DCLK2: variants seen among roughly 807,000 people sequenced by gnomAD.
The protein encoded by DCLK2 is serine/threonine-protein kinase DCLK2.
In DCLK2, 31 loss-of-function variants were observed where a neutral mutation model predicts 78.4. The ratio of observed to expected loss-of-function variants is 0.40; its 90% CI spans 0.30 to 0.53. The LOEUF (loss-of-function observed/expected upper bound fraction) is 0.53. DCLK2 is among the 20% of genes least tolerant of loss of function. DCLK2 has a pLI of 0.61. For synonymous variants in DCLK2, 407 were observed against 374.9 expected (o/e 1.09, Z -0.99); for missense variants, 872 against 973.7 (o/e 0.90, Z 1.39).
intron 2 of DCLK2, among the ~76,000 whole-genome samples, chr4:150,187,039 T>C (rs758629566): frequency 6.6e-6 from 1 of 152,228 alleles, no homozygotes; most frequent in African/African-American, 2.4e-5. Context: ...ATAAGATCGA[T>C]GTGCTTACAA....
intron 1 of DCLK2, among the ~76,000 whole-genome samples, chr4:150,098,293 C>A (rs1250250084): frequency 6.6e-6 from 1 of 152,006 alleles, no homozygotes; most frequent in Non-Finnish European, 1.5e-5. Flanking sequence ...TGCACAGTGA[C>A]CTTGTTTTTG....
chr4:150,247,400 G>A (rs1013932149), intron 12 of DCLK2, among the ~76,000 whole-genome samples: 2 of 151,984 alleles, frequency 1.3e-5, no homozygotes, highest in Non-Finnish European at 2.9e-5. Flanking sequence ...TTAATTCCTC[G>A]GCCTATGGAA....
At chr4:150,195,625 T>C (rs923967015) in intron 3 of DCLK2, among the ~76,000 whole-genome samples, 2 of 148,678 alleles carry the variant, frequency 1.3e-5, no homozygotes, top group African/African-American at 5.0e-5. Context: ...ATAAAGTTAA[T>C]ATGTATAACA....
intron 15 of DCLK2, chr4:150,253,810 C>A: frequency 3.0e-6 from 3 of 985,472 alleles, no homozygotes; most frequent in Non-Finnish European, 3.6e-6. Flanking sequence ...TCCCATAGTT[C>A]TCCTACCGAT....
chr4:150,079,335 T>A lies in DCLK2; in HGVS notation c.308T>A (p.Leu103His). ...CGCTTCCGGTCCTTCGATGCGCTCC[T>A]CATAGAGCTCACCCGCTCCCTGTCG... ...SDRFRSFDALLIELTRSLSDN... is the reference protein window; with the variant it reads ...SDRFRSFDALHIELTRSLSDN... The change falls in exon 1 of 16, where the codon CTC (leucine) becomes CAC (histidine). Residue 103 changes from leucine to histidine, a missense_variant. Leu to His is a moderately conservative substitution (Grantham distance 99, BLOSUM62 -3). This residue lies in a region of DCLK2 where 567 missense variants were observed against 593.4 expected (regional missense o/e 0.96). Transcript: ENST00000296550. 1.9e-6 allele frequency: 3 copies of A among 1,588,164 alleles called. No individual in the cohort carries two copies. Among genetic ancestry groups the A allele is most frequent in the Non-Finnish European group, 2.6e-6 (3 of 1,167,330 alleles).
At position 150,203,058 on chromosome 4, in the gene DCLK2, A is replaced by G. The variant is rs1739567629; in HGVS notation, c.962-737A>G. 2.6e-5 allele frequency among the ~76,000 whole-genome samples: 4 copies of G among 152,230 alleles called. No homozygotes were observed. The South Asian group carries it at 6.2e-4, about 24-fold the overall frequency. On this transcript the variant is annotated intron_variant, in intron 4 of 15. Transcript: ENST00000296550. ...GGTTCATTTGCAGATTCTGTACTAC[A>G]TAATTCTAGCATAGGATCTAAATCG...
chr4:150,156,228 T>G (rs375924280), intron 2 of DCLK2, among the ~76,000 whole-genome samples: 39 of 152,142 alleles, frequency 2.6e-4, no homozygotes, highest in Middle Eastern at 6.8e-3. Flanking sequence ...TAAATGTTAT[T>G]ATAAATGATC....
intron 2 of DCLK2, among the ~76,000 whole-genome samples, chr4:150,124,256 G>A (rs1048425262): frequency 2.0e-5 from 3 of 152,038 alleles, no homozygotes; most frequent in East Asian, 1.9e-4. Flanking sequence ...ATGAAGCAAC[G>A]CCCACCCAGA....
intron 8 of DCLK2, among the ~76,000 whole-genome samples, chr4:150,230,093 C>T (rs1741926839): frequency 6.6e-6 from 1 of 152,156 alleles, no homozygotes; most frequent in African/African-American, 2.4e-5. Flanking sequence ...AGGCTAACAG[C>T]TCCCATGTTT....
At chr4:150,176,359 CG>C in intron 2 of DCLK2, among the ~76,000 whole-genome samples, 1 of 152,170 alleles carries the variant, frequency 6.6e-6, no homozygotes, top group Non-Finnish European at 1.5e-5. Context: ...GAGAAAGATA[CG>C]GTCTCCAGGT....
intron 5 of DCLK2, 116 bp downstream of exon 5, chr4:150,204,005 A>G: frequency 1.0e-6 from 1 of 965,758 alleles, no homozygotes; most frequent in Non-Finnish European, 1.5e-6. Flanking sequence ...AGATTTTAGG[A>G]TTTTGAGCCT....
chr4:150,253,375 G>C, intron 15 of DCLK2: 1 of 1,229,340 alleles, frequency 8.1e-7, no homozygotes, highest in Non-Finnish European at 1.1e-6. Context: ...CCCAGAGCTG[G>C]GGCCTGAGAC....
At chr4:150,231,743 A>C (rs751395209) in intron 8 of DCLK2, among the ~76,000 whole-genome samples, 1 of 152,240 alleles carries the variant, frequency 6.6e-6, no homozygotes, top group Non-Finnish European at 1.5e-5. Context: ...GTATGTTTTC[A>C]GATTTCTGAA....
chr4:150,180,990 C>A (rs1737468808), intron 2 of DCLK2, among the ~76,000 whole-genome samples: 4 of 152,228 alleles, frequency 2.6e-5, no homozygotes, highest in Non-Finnish European at 1.5e-5. Context: ...ATCGGGAACA[C>A]CCTGGACAGA....
At chr4:150,217,730 G>A (rs1740831459) in intron 5 of DCLK2, among the ~76,000 whole-genome samples, 1 of 152,152 alleles carries the variant, frequency 6.6e-6, no homozygotes, top group Non-Finnish European at 1.5e-5. Context: ...TCTCTGTTCA[G>A]CTGCACTATA....
chr4:150,229,493 G>A (rs1580759248), intron 8 of DCLK2, among the ~76,000 whole-genome samples: 2 of 152,100 alleles, frequency 1.3e-5, no homozygotes, highest in African/African-American at 2.4e-5. Context: ...AGGAGGAATC[G>A]GTGCAATTCC....
At chr4:150,197,472 G>A (rs1580699956) in intron 3 of DCLK2, among the ~76,000 whole-genome samples, 1 of 152,042 alleles carries the variant, frequency 6.6e-6, no homozygotes, top group Admixed American at 6.5e-5. Context: ...GTGTAGCCTT[G>A]GCTGGGCGTG....
chr4:150,255,762 G>A lies in DCLK2; in HGVS notation c.2074-258G>A, dbSNP rs1035652672. On this transcript the variant is annotated intron_variant, in intron 15 of 15. Coordinates refer to ENST00000296550, the MANE Select transcript of DCLK2 (RefSeq NM_001040260.4). Reference sequence around the variant, plus strand: ...TGAGAACCCAGGCACAGCCCAAAGCGAGAGAAGACGACAGACATCCAGTGT... The same window carrying A: ...TGAGAACCCAGGCACAGCCCAAAGCAAGAGAAGACGACAGACATCCAGTGT... 2.6e-5 allele frequency among the ~76,000 whole-genome samples: 4 copies of A among 152,218 alleles called. No individual in the cohort carries two copies. In the South Asian group the frequency reaches 6.2e-4, roughly 24 times the overall value.
chr4:150,137,689 A>T (rs4632637), intron 2 of DCLK2, among the ~76,000 whole-genome samples: 5,310 of 152,302 alleles, frequency 0.035, 275 homozygotes, highest in African/African-American at 0.12. Context: ...GATTATAAAT[A>T]AAGGATTAAG....
Sources: gnomAD v4.1 joint callset for allele counts (sites outside exome capture counted in the v4.1 genomes callset) on GRCh38, gnomAD v4.1.1 for gene constraint, gnomAD v4.1.1 regional missense constraint, MANE v1.5 for transcripts, NCBI Gene and HGNC (gene_info 2026-07-23, HGNC 2026-07-21) for gene names.